MKKS: variants seen among roughly 807,000 people sequenced by gnomAD.
MKKS encodes the protein molecular chaperone MKKS.
A neutral mutation model predicts 33.2 loss-of-function variants in MKKS; 29 were observed. That is an observed-to-expected ratio of 0.87 (90% CI 0.65 to 1.19). The LOEUF (loss-of-function observed/expected upper bound fraction) is 1.19. MKKS is among the 50% of genes most tolerant of loss of function. MKKS has a pLI of 0.00. For missense variants in MKKS, 661 were observed against 662.3 expected, an observed-to-expected ratio of 1.00 and a Z score of 0.02; for synonymous variants, 260 against 244.0, an observed-to-expected ratio of 1.07 and a Z score of -0.61.
intron 1 of MKKS, chr20:10,431,888 CCTTT>C (rs958653167): frequency 1.3e-4 from 20 of 152,104 alleles, no homozygotes; most frequent in Admixed American, 5.2e-4. Context: ...ACTCAGAGAG[CCTTT>C]CTCTCAGCAC....
intron 2 of MKKS, among the ~76,000 whole-genome samples, chr20:10,415,921 A>C (rs1394184697): frequency 6.6e-6 from 1 of 152,220 alleles, no homozygotes; most frequent in Non-Finnish European, 1.5e-5. Flanking sequence ...TAAAGATGCC[A>C]AAACTTGTTG....
intron 1 of MKKS, among the ~76,000 whole-genome samples, chr20:10,431,314 T>C (rs1010756398): frequency 6.6e-6 from 1 of 152,038 alleles, no homozygotes; most frequent in African/African-American, 2.4e-5. Flanking sequence ...ATTCACAATA[T>C]TTAGGGATTA....
At chr20:10,419,021 C>A (rs1033535350) in intron 2 of MKKS, among the ~76,000 whole-genome samples, 2 of 152,100 alleles carry the variant, frequency 1.3e-5, no homozygotes, top group African/African-American at 4.8e-5. Flanking sequence ...AAGCTATGCT[C>A]TTCCACTTCT....
chr20:10,417,763 C>G (rs953861512), intron 2 of MKKS, among the ~76,000 whole-genome samples: 2 of 151,720 alleles, frequency 1.3e-5, no homozygotes, highest in African/African-American at 4.8e-5. Flanking sequence ...CAGTACCATC[C>G]ATGAAGTATT....
At chr20:10,410,214 T>C (rs1327531342) in intron 3 of MKKS, among the ~76,000 whole-genome samples, 2 of 152,184 alleles carry the variant, frequency 1.3e-5, no homozygotes, top group African/African-American at 4.8e-5. Context: ...AGGCCGGCTC[T>C]ACTGCTTATC....
Position 10,433,030 on chromosome 20 carries a change from T to C in MKKS, c.-649+1078A>G, listed in dbSNP as rs1054516290. On this transcript the variant is annotated intron_variant, in intron 1 of 5. Transcript: ENST00000347364. ...GTTTTTATTTATTTATTTTCTTAAA[T>C]AGAGTCTCTGTCGCCCAACCTGGAG... Among the ~76,000 whole-genome samples the C allele has an allele frequency of 3.3e-5, 5 of 152,200 alleles. No individual in the cohort carries two copies. In the East Asian group the frequency reaches 9.7e-4, roughly 29 times the overall value.
At chr20:10,408,306 G>A (rs1402351584) in intron 4 of MKKS, among the ~76,000 whole-genome samples, 1 of 152,088 alleles carries the variant, frequency 6.6e-6, no homozygotes, top group South Asian at 2.1e-4. Flanking sequence ...GTATTGACTG[G>A]GGAACTCATT....
chr20:10,405,497 G>A lies in MKKS; in HGVS notation c.1463C>T (p.Ala488Val), dbSNP rs1378910231. The A allele has an allele frequency of 6.2e-7, 1 of 1,614,192 alleles. No individual in the cohort carries two copies. The highest frequency in any genetic ancestry group is 1.3e-5 in the African/African-American group (1 of 75,044). ...CTGTGAAAGCAAATCTGGCCAGTTA[G>A]CAACACAGGGAGAATCTGCCTGAAC... The part of the protein sequence containing the change: ...WSVQADSPCV[A>V]NWPDLLSQCG... The change falls in exon 6 of 6, where the codon GCT (alanine) becomes GTT (valine). Residue 488 changes from alanine (A) to valine (V), a missense_variant. Coordinates refer to ENST00000347364, the MANE Select transcript of MKKS (RefSeq NM_170784.3).
At chr20:10,412,480 A>G (rs758594763) in intron 3 of MKKS, 50 bp downstream of exon 3, 1 of 1,590,018 alleles carries the variant, frequency 6.3e-7, no homozygotes, top group South Asian at 1.1e-5. Flanking sequence ...TCTGCTCAAA[A>G]AAGTGTGATT....
intron 2 of MKKS, among the ~76,000 whole-genome samples, chr20:10,417,757 A>G (rs1204855966): frequency 6.6e-6 from 1 of 152,204 alleles, no homozygotes; most frequent in Non-Finnish European, 1.5e-5. Flanking sequence ...ATTCCACAGT[A>G]CCATCCATGA....
intron 1 of MKKS, among the ~76,000 whole-genome samples, chr20:10,427,993 G>A (rs1195968923): frequency 6.6e-6 from 1 of 152,214 alleles, no homozygotes; most frequent in Non-Finnish European, 1.5e-5. Flanking sequence ...AGTATCTTAT[G>A]TCTTTTGCTA....
chr20:10,416,585 A>T (rs2064940309), intron 2 of MKKS, among the ~76,000 whole-genome samples: 1 of 152,230 alleles, frequency 6.6e-6, no homozygotes, highest in Non-Finnish European at 1.5e-5. Context: ...TTGAGCACTC[A>T]TTATTATAAA....
intron 1 of MKKS, among the ~76,000 whole-genome samples, chr20:10,421,107 A>G (rs2064977313): frequency 1.4e-5 from 2 of 147,902 alleles, no homozygotes; most frequent in Non-Finnish European, 3.0e-5. Flanking sequence ...ATAGAGTAAG[A>G]GCCTTTTTTT....
chr20:10,411,143 G>A (rs1164946191), intron 3 of MKKS, among the ~76,000 whole-genome samples: 2 of 148,962 alleles, frequency 1.3e-5, no homozygotes, highest in African/African-American at 2.5e-5. Context: ...CGGCCACCAT[G>A]CCCAGCTAAT....
intron 5 of MKKS, among the ~76,000 whole-genome samples, chr20:10,406,919 G>A (rs964757977): frequency 3.9e-5 from 6 of 152,062 alleles, no homozygotes; most frequent in Admixed American, 6.6e-5. Context: ...CCAATGAATC[G>A]ATTGCTAATA....
At chr20:10,422,726 T>TG (rs983062570) in intron 1 of MKKS, among the ~76,000 whole-genome samples, 1 of 151,810 alleles carries the variant, frequency 6.6e-6, no homozygotes, top group African/African-American at 2.4e-5. Flanking sequence ...TTTTTTTTTT[T>TG]TGTGAGACAG....
chr20:10,418,241 A>C (rs6108563), intron 2 of MKKS, among the ~76,000 whole-genome samples: 20,900 of 152,206 alleles, frequency 0.14, 1,572 homozygotes, highest in East Asian at 0.24. Context: ...AGATGGATAA[A>C]AGAAGACTGG....
intron 1 of MKKS, among the ~76,000 whole-genome samples, chr20:10,431,096 GGGAAGTGCTCAA>G (rs1443865953): frequency 6.6e-6 from 1 of 152,118 alleles, no homozygotes; most frequent in Non-Finnish European, 1.5e-5. Flanking sequence ...CCTAGCATGT[GGGAAGTGCTCAA>G]TACACGGCAG....
chr20:10,426,820 C>A (rs2065017314), intron 1 of MKKS, among the ~76,000 whole-genome samples: 1 of 152,082 alleles, frequency 6.6e-6, no homozygotes, highest in Non-Finnish European at 1.5e-5. Context: ...AATTAGAGGG[C>A]AAAAGAGTCT....
Sources: gnomAD v4.1 joint callset for allele counts (sites outside exome capture counted in the v4.1 genomes callset) on GRCh38, gnomAD v4.1.1 for gene constraint, MANE v1.5 for transcripts, NCBI Gene and HGNC (gene_info 2026-07-23, HGNC 2026-07-21) for gene names.